Variants in SERGEF observed in about 807,000 individuals in gnomAD.
SERGEF encodes the protein secretion-regulating guanine nucleotide exchange factor.
Under a neutral mutation model 50.0 loss-of-function variants are expected in SERGEF, and 51 were observed. That is an observed-to-expected ratio of 1.02 (90% CI 0.81 to 1.29). The LOEUF (loss-of-function observed/expected upper bound fraction) is 1.29, where lower values mean the gene tolerates loss of function less well. Ranked by LOEUF, SERGEF falls within the 50% of genes most tolerant of loss-of-function variation. The pLI, the probability that SERGEF is intolerant of heterozygous loss-of-function variation, is 0.00. For synonymous variants in SERGEF, 205 were observed against 212.4 expected (o/e 0.97, Z 0.30); for missense variants, 521 against 557.0 (o/e 0.94, Z 0.65).
chr11:17,875,035 C>A (rs1345125889), intron 10 of SERGEF, among the ~76,000 whole-genome samples: 4 of 152,226 alleles, frequency 2.6e-5, no homozygotes, highest in African/African-American at 9.6e-5. Flanking sequence ...AATATTATAT[C>A]CCAGATGAGG....
At chr11:17,973,468 A>G (rs1369098260) in intron 8 of SERGEF, among the ~76,000 whole-genome samples, 1 of 152,192 alleles carries the variant, frequency 6.6e-6, no homozygotes, top group Non-Finnish European at 1.5e-5. Context: ...GGAAATGGGA[A>G]GCTCAGATTA....
intron 10 of SERGEF, among the ~76,000 whole-genome samples, chr11:17,868,782 T>C (rs931820134): frequency 2.6e-5 from 4 of 152,176 alleles, no homozygotes; most frequent in Admixed American, 6.5e-5. Flanking sequence ...ACATCTTACA[T>C]GGATGGTGGC....
chr11:17,989,608 C>T (rs1163815724), intron 7 of SERGEF, among the ~76,000 whole-genome samples: 1 of 152,198 alleles, frequency 6.6e-6, no homozygotes, highest in African/African-American at 2.4e-5. Context: ...CAAAATGAGG[C>T]CATGGGCAAT....
intron 8 of SERGEF, among the ~76,000 whole-genome samples, chr11:17,979,524 A>G (rs536462776): frequency 6.6e-6 from 1 of 152,288 alleles, no homozygotes; most frequent in East Asian, 1.9e-4. Context: ...TCCCCCTGCC[A>G]GACAGCAGCT....
chr11:17,976,989 G>C (rs211111), intron 8 of SERGEF, among the ~76,000 whole-genome samples: 145,667 of 152,302 alleles, frequency 0.96, 69,995 homozygotes, highest in South Asian at 1. Context: ...CTGAGGCTCT[G>C]TGGCCTGGGC....
intron 9 of SERGEF, among the ~76,000 whole-genome samples, chr11:17,949,487 C>T (rs1852732282): frequency 6.6e-6 from 1 of 152,038 alleles, no homozygotes; most frequent in Non-Finnish European, 1.5e-5. Flanking sequence ...AAGTCCCAAA[C>T]AGTGACTAAG....
intron 10 of SERGEF, among the ~76,000 whole-genome samples, chr11:17,846,100 C>G (rs1025335458): frequency 6.6e-6 from 1 of 152,212 alleles, no homozygotes; most frequent in Non-Finnish European, 1.5e-5. Context: ...AGGGATGGTG[C>G]TCTCTAGCTG....
At chr11:17,886,878 G>A (rs1184537178) in intron 9 of SERGEF, among the ~76,000 whole-genome samples, 1 of 152,156 alleles carries the variant, frequency 6.6e-6, no homozygotes, top group Non-Finnish European at 1.5e-5. Context: ...GCTTCCTGGG[G>A]CCAAACCTAA....
At chr11:17,989,853 G>C (rs1053499605) in intron 7 of SERGEF, among the ~76,000 whole-genome samples, 1 of 152,172 alleles carries the variant, frequency 6.6e-6, no homozygotes, top group Non-Finnish European at 1.5e-5. Context: ...AATTTGATAT[G>C]GGTTACATGT....
At chr11:17,843,743 G>A (rs1160749295) in intron 10 of SERGEF, among the ~76,000 whole-genome samples, 3 of 152,104 alleles carry the variant, frequency 2.0e-5, no homozygotes, top group Non-Finnish European at 4.4e-5. Context: ...TGGAGGACGG[G>A]GATAAAGAGA....
chr11:17,964,907 T>C (rs893721962), intron 8 of SERGEF, among the ~76,000 whole-genome samples: 2 of 152,160 alleles, frequency 1.3e-5, no homozygotes, highest in African/African-American at 4.8e-5. Flanking sequence ...AACACAGAAC[T>C]AACTGACCAA....
intron 9 of SERGEF, among the ~76,000 whole-genome samples, chr11:17,917,946 A>G (rs888909217): frequency 1.3e-5 from 2 of 152,222 alleles, no homozygotes; most frequent in Non-Finnish European, 2.9e-5. Context: ...GATTATTTAA[A>G]TGGGGTTTAT....
At position 17,798,315 on chromosome 11, in the gene SERGEF, G is replaced by A. The variant is rs1026491113; in HGVS notation, c.1049-9902C>T. On this transcript the variant is annotated intron_variant, in intron 10 of 10. Coordinates refer to ENST00000265965, the MANE Select transcript of SERGEF (RefSeq NM_012139.4). ...AAGGTCCCCACTGGCCTACCTCCCC[G>A]CTCCTCTCAACCACCCCCTGGCATC... Among the ~76,000 whole-genome samples the A allele has an allele frequency of 2.0e-5, 3 of 152,290 alleles. No homozygotes were observed. In the East Asian group the frequency reaches 5.8e-4, roughly 29 times the overall value.
chr11:17,936,113 A>G (rs1040180020), intron 9 of SERGEF, among the ~76,000 whole-genome samples: 2 of 152,220 alleles, frequency 1.3e-5, no homozygotes, highest in Non-Finnish European at 2.9e-5. Context: ...GTAAATCAGT[A>G]TAACAAGCAG....
At chr11:17,949,987 A>G (rs1281518739) in intron 9 of SERGEF, among the ~76,000 whole-genome samples, 3 of 152,240 alleles carry the variant, frequency 2.0e-5, no homozygotes. Flanking sequence ...GAAGTATCAA[A>G]AAACCTGATG....
intron 3 of SERGEF, among the ~76,000 whole-genome samples, chr11:18,005,296 A>G (rs542441227): frequency 6.6e-6 from 1 of 152,340 alleles, no homozygotes; most frequent in East Asian, 1.9e-4. Flanking sequence ...TCACCATCAA[A>G]TTCAACACAT....
intron 9 of SERGEF, among the ~76,000 whole-genome samples, chr11:17,950,858 T>C (rs1852760464): frequency 6.6e-6 from 1 of 152,214 alleles, no homozygotes; most frequent in African/African-American, 2.4e-5. Flanking sequence ...AGGGTGACCC[T>C]GGGCAAAGCC....
intron 9 of SERGEF, among the ~76,000 whole-genome samples, chr11:17,929,370 CTCTT>C (rs1201746435): frequency 6.6e-6 from 1 of 152,136 alleles, no homozygotes; most frequent in Non-Finnish European, 1.5e-5. Flanking sequence ...AGTTTTTGCT[CTCTT>C]TGAGACAGGA....
chr11:17,858,976 T>C (rs1850874282), intron 10 of SERGEF, among the ~76,000 whole-genome samples: 1 of 152,094 alleles, frequency 6.6e-6, no homozygotes, highest in Admixed American at 6.5e-5. Flanking sequence ...AGTCCTGAGA[T>C]CTGCCGTTCC....
Sources: allele counts gnomAD v4.1 joint callset (sites outside exome capture counted in the v4.1 genomes callset), GRCh38; gene constraint gnomAD v4.1.1; transcripts MANE v1.5; gene names NCBI Gene and HGNC (gene_info 2026-07-23, HGNC 2026-07-21).